The following TARP variants were observed in gnomAD, a reference collection of about 807,000 sequenced individuals.
chr7:38,270,010 G>A, the TARP span, among the ~76,000 whole-genome samples: 5 of 151,946 alleles, frequency 3.3e-5, no homozygotes, highest in Admixed American at 3.3e-4. Context: ...GCTGAGGCAG[G>A]AGGGTCACTT....
chr7:38,270,199 C>T, the TARP span, among the ~76,000 whole-genome samples: 1 of 151,970 alleles, frequency 6.6e-6, no homozygotes, highest in Non-Finnish European at 1.5e-5. Flanking sequence ...CTTGACATGA[C>T]ATTTTAACCC....
the TARP span, among the ~76,000 whole-genome samples, chr7:38,270,728 C>T: frequency 2.1e-4 from 32 of 151,078 alleles, no homozygotes; most frequent in East Asian, 6.0e-3. Flanking sequence ...ATCTGCCTGA[C>T]CATGTCTGCT....
At chr7:38,259,702 A>G in the TARP span, 3 of 167,866 alleles carry the variant, frequency 1.8e-5, no homozygotes, top group South Asian at 4.8e-4. Flanking sequence ...ACATAATTCA[A>G]CTAGCAAAGA....
At chr7:38,270,349 C>T in the TARP span, among the ~76,000 whole-genome samples, 1 of 151,790 alleles carries the variant, frequency 6.6e-6, no homozygotes, top group Non-Finnish European at 1.5e-5. Flanking sequence ...TCAAAGCCAT[C>T]GTCCCCATCA....
chr7:38,266,494 G>T, the TARP span, among the ~76,000 whole-genome samples: 1 of 151,796 alleles, frequency 6.6e-6, no homozygotes, highest in African/African-American at 2.4e-5. Flanking sequence ...CTAGGAACAT[G>T]TTTCACCATA....
At chr7:38,267,029 A>T in the TARP span, among the ~76,000 whole-genome samples, 15 of 151,996 alleles carry the variant, frequency 9.9e-5, no homozygotes, top group Non-Finnish European at 2.9e-5. Context: ...AGAATGCACC[A>T]GGGGTGTATT....
At chr7:38,262,057 A>G in the TARP span, 3 of 852,602 alleles carry the variant, frequency 3.5e-6, no homozygotes, top group Non-Finnish European at 5.8e-6. Flanking sequence ...AATTTAAAAT[A>G]TCACTAGGTC....
the TARP span, among the ~76,000 whole-genome samples, chr7:38,266,042 T>G: frequency 6.6e-6 from 1 of 151,350 alleles, no homozygotes; most frequent in African/African-American, 2.4e-5. Flanking sequence ...TAATCTCTTT[T>G]GTTTCATCAT....
the TARP span, chr7:38,269,581 C>T: frequency 1.6e-6 from 1 of 644,656 alleles, no homozygotes; most frequent in East Asian, 2.7e-5. Flanking sequence ...AATTCAGTTT[C>T]CCTGAGTTCT....
chr7:38,269,650 G>T, the TARP span: 3 of 563,776 alleles, frequency 5.3e-6, no homozygotes, highest in Non-Finnish European at 9.4e-6. Context: ...GGTTCATTTT[G>T]CTCATAACAA....
At chr7:38,271,339 T>A in the TARP span, among the ~76,000 whole-genome samples, 2 of 151,476 alleles carry the variant, frequency 1.3e-5, no homozygotes, top group Non-Finnish European at 2.9e-5. Context: ...AGATAGAAAG[T>A]GCCAGAACTT....
the TARP span, among the ~76,000 whole-genome samples, chr7:38,263,079 C>T: frequency 1.6e-3 from 244 of 151,582 alleles, 3 homozygotes; most frequent in Admixed American, 2.8e-3. Flanking sequence ...ATGCATATCC[C>T]CAATGTCCCC....
At chr7:38,273,345 C>T in the TARP span, among the ~76,000 whole-genome samples, 1 of 149,796 alleles carries the variant, frequency 6.7e-6, no homozygotes, top group Non-Finnish European at 1.5e-5. Flanking sequence ...AGAGAGATAC[C>T]AATGGAACAA....
At chr7:38,264,802 G>A in the TARP span, among the ~76,000 whole-genome samples, 1 of 151,428 alleles carries the variant, frequency 6.6e-6, no homozygotes, top group Non-Finnish European at 1.5e-5. Flanking sequence ...TCTCAGCAAA[G>A]GAAATAGAAA....
At chr7:38,265,505 C>T in the TARP span, 1 of 1,612,126 alleles carries the variant, frequency 6.2e-7, no homozygotes, top group East Asian at 2.2e-5. Context: ...GTGTTCCCCT[C>T]CTGGGATCCC....
At chr7:38,269,469 G>C in the TARP span, 3 of 722,924 alleles carry the variant, frequency 4.1e-6, no homozygotes, top group African/African-American at 3.5e-5. Context: ...CCTTGGAAAT[G>C]TTGTATTCTT....
At chr7:38,262,657 TTTG>T in the TARP span, among the ~76,000 whole-genome samples, 6 of 151,492 alleles carry the variant, frequency 4.0e-5, 1 homozygote, top group Admixed American at 4.0e-4. Context: ...TGTTTGTTTG[TTTG>T]TTTTTTGAGG....
At chr7:38,263,451 A>G in the TARP span, among the ~76,000 whole-genome samples, 1 of 151,958 alleles carries the variant, frequency 6.6e-6, no homozygotes, top group East Asian at 1.9e-4. Context: ...TAAAGAGGCA[A>G]TATAATGTCA....
At chr7:38,264,269 C>T in the TARP span, among the ~76,000 whole-genome samples, 28 of 151,994 alleles carry the variant, frequency 1.8e-4, no homozygotes, top group East Asian at 3.9e-4. Context: ...TCCTCCTTAA[C>T]GTAGCTGCCT....
Sources: allele counts gnomAD v4.1 joint callset (sites outside exome capture counted in the v4.1 genomes callset), GRCh38; gene constraint gnomAD v4.1.1; transcripts MANE v1.5.